Variants in LTN1 observed in about 807,000 individuals in gnomAD.
LTN1 encodes the protein E3 ubiquitin-protein ligase listerin.
A neutral mutation model predicts 201.2 loss-of-function variants in LTN1; 88 were observed. That is an observed-to-expected ratio of 0.44 (90% CI 0.37 to 0.52). The LOEUF (loss-of-function observed/expected upper bound fraction) is 0.52. LTN1 is among the 20% of genes least tolerant of loss of function. The probability of loss-of-function intolerance (pLI) is 0.00; values close to 1 mark genes in which losing one functional copy is unlikely to be tolerated. For synonymous variants in LTN1, 645 were observed against 713.5 expected (o/e 0.90, Z 1.53); for missense variants, 1,752 against 2,038.7 (o/e 0.86, Z 2.71).
chr21:28,984,676 T>C lies in LTN1; in HGVS notation c.576+16A>G. On this transcript the variant is annotated intron_variant, in intron 4 of 29. Transcript: ENST00000361371. ...TTAAAAAAAAAAAATAGATTCAGAA[T>C]GATTCCAGAACTTACACTTGTAATT... 11 of 1,571,648 alleles carry C rather than the reference T, an allele frequency of 7.0e-6. No homozygotes were observed. Among genetic ancestry groups the C allele is most frequent in the Non-Finnish European group, 9.6e-6 (11 of 1,148,956 alleles).
intron 21 of LTN1, among the ~76,000 whole-genome samples, chr21:28,945,176 G>A (rs1005620430): frequency 2.6e-5 from 4 of 151,972 alleles, no homozygotes; most frequent in African/African-American, 7.3e-5. Context: ...AGCCAAGATC[G>A]CACCATTGCA....
chr21:28,944,581 G>A lies in LTN1; in HGVS notation c.3784C>T (p.Gln1262Ter). 1.2e-6 allele frequency: 2 copies of A among 1,612,596 alleles called. No individual in the cohort carries two copies. The highest frequency in any genetic ancestry group is 2.2e-5 in the South Asian group (2 of 90,980). The change falls in exon 22 of 30, where the codon CAG becomes TAG. Residue 1262 changes from glutamine to a stop codon, truncating the protein, a stop_gained. Transcript: ENST00000361371. LOFTEE classifies it high-confidence loss of function. ...ACAAGTGGAATAGAATACAATGCCT[G>A]ATTCTCACTTGTTGTCTGAAAAAAC... ...LAWLETTSEN[Q>*]ALYSIPLVQL...
rs192361975 is a variant in LTN1 at position 28,955,215 on chromosome 21, C to T, written c.3079+1547G>A. ...TGGGAATGGTGGCACTGCTTGTAAT[C>T]GCAGCACTTTGGGAGGCTGAGGCAA... On this transcript the variant is annotated intron_variant, in intron 16 of 29. Transcript: ENST00000361371. Among the ~76,000 whole-genome samples the T allele has an allele frequency of 2.0e-5, 3 of 152,164 alleles. No homozygotes were observed. The East Asian group carries it at 5.8e-4, about 29-fold the overall frequency.
chr21:28,945,079 G>T (rs1329507413), intron 21 of LTN1, among the ~76,000 whole-genome samples: 1 of 152,062 alleles, frequency 6.6e-6, no homozygotes, highest in Non-Finnish European at 1.5e-5. Context: ...AAAATTAGTC[G>T]TGCATGCTGG....
chr21:28,961,680 T>A (rs530952958), intron 11 of LTN1: 2 of 152,340 alleles, frequency 1.3e-5, no homozygotes, highest in Non-Finnish European at 1.5e-5. Context: ...AATCTTTTAA[T>A]CAGCGTGGGC....
rs146107094 is a variant in LTN1 at position 28,972,422 on chromosome 21, A to T, written c.811-978T>A. 4.7e-3 allele frequency among the ~76,000 whole-genome samples: 712 copies of T among 150,874 alleles called. 3 individuals are homozygous for T. Among genetic ancestry groups the T allele is most frequent in the Non-Finnish European group, 7.4e-3 (505 of 67,816 alleles). The stretch of plus-strand genomic sequence containing the variant: ...AATTACATAAAATGTCCCTGACATA[A>T]AATGGCGTAATATAGTCGGCCCTCC... On this transcript the variant is annotated intron_variant, in intron 6 of 29. Coordinates refer to ENST00000361371, the MANE Select transcript of LTN1 (RefSeq NM_015565.3).
intron 6 of LTN1, among the ~76,000 whole-genome samples, chr21:28,974,147 C>T (rs571489673): frequency 4.6e-5 from 7 of 152,144 alleles, no homozygotes; most frequent in Admixed American, 1.3e-4. Context: ...AATAAGACAT[C>T]AAAAAGCACA....
chr21:28,928,926 T>C lies in LTN1; in HGVS notation c.*1522A>G, dbSNP rs2084189795. ...GGGATTACTATGTCAGAAAGAGACA[T>C]AGAAAGATAGAGAATATTTTAAGAA... On this transcript the variant is annotated 3_prime_UTR_variant, in exon 30 of 30. Coordinates refer to ENST00000361371, the MANE Select transcript of LTN1 (RefSeq NM_015565.3). 1 of 152,464 alleles carries C rather than the reference T, an allele frequency of 6.6e-6. No individual in the cohort carries two copies. The highest frequency in any genetic ancestry group is 6.6e-5 in the Admixed American group (1 of 15,266). The allele number at this position is 152,464 out of a possible 1,614,324, so 9.4% of individuals were successfully genotyped here.
Position 28,986,987 on chromosome 21 carries a change from T to C in LTN1, c.43-53A>G. The C allele has an allele frequency of 8.2e-7, 1 of 1,223,370 alleles. No homozygotes were observed. The highest frequency in any genetic ancestry group is 1.2e-6 in the Non-Finnish European group (1 of 832,590). 75.8% of individuals were successfully genotyped at this position (1,223,370 alleles called of 1,614,324 possible). A position where few individuals can be genotyped will look rare whatever the true frequency, so the allele number is the denominator to read the frequency against. On this transcript the variant is annotated intron_variant, in intron 1 of 29. Coordinates refer to ENST00000361371, the MANE Select transcript of LTN1 (RefSeq NM_015565.3). This position sits in a 1 kb window ranked among gnomAD's most constrained non-coding sequence, Gnocchi z 4.1. ...TCAGAGTCCAGGAAGGGTTCAAAACTTAACTTTATAATTCCTTGGCTATTC... is the reference window on the plus strand; with the variant it reads ...TCAGAGTCCAGGAAGGGTTCAAAACCTAACTTTATAATTCCTTGGCTATTC...
intron 5 of LTN1, 63 bp from the exon 6 acceptor site, chr21:28,981,362 G>T: frequency 2.2e-6 from 2 of 892,940 alleles, no homozygotes; most frequent in South Asian, 3.7e-5. Context: ...TATATCTGGT[G>T]GTTCTATTTA....
At chr21:28,954,891 G>A (rs2084411832) in intron 16 of LTN1, among the ~76,000 whole-genome samples, 2 of 152,104 alleles carry the variant, frequency 1.3e-5, no homozygotes, top group Admixed American at 6.6e-5. Flanking sequence ...TATTTTTATG[G>A]CTAAGACTTC....
rs968215196 is a variant in LTN1 at position 28,982,319 on chromosome 21, G to A, written c.626C>T (p.Pro209Leu). 6 of 1,611,766 alleles carry A rather than the reference G, an allele frequency of 3.7e-6. No homozygotes were observed. The highest frequency in any genetic ancestry group is 5.1e-6 in the Non-Finnish European group (6 of 1,178,074). Reference protein sequence around the residue: ...IKETPDTLSDPQTVPEEEREA... With the variant: ...IKETPDTLSDLQTVPEEEREA... The stretch of plus-strand genomic sequence containing the variant: ...ACAATGAAACAATACAACTTACTGC[G>A]GGTCACTGAGTGTATCAGGTGTTTC... Residue 209 changes from proline to leucine, a missense_variant, in exon 5 of 30, where the codon CCG becomes CTG. Coordinates refer to ENST00000361371, the MANE Select transcript of LTN1 (RefSeq NM_015565.3).
Position 28,978,683 on chromosome 21 carries a change from G to A in LTN1, c.810+2436C>T, listed in dbSNP as rs562243372. Among the ~76,000 whole-genome samples the A allele has an allele frequency of 1.3e-4, 20 of 152,144 alleles. No individual in the cohort carries two copies. The East Asian group carries it at 1.5e-3, about 12-fold the overall frequency. On this transcript the variant is annotated intron_variant, in intron 6 of 29. Transcript: ENST00000361371. ...GACACATGGGAGAGATGACAGAATG[G>A]GAGCTTTTTTGCATTGCCTAAAAAT...
rs1274793770 is a variant in LTN1 at position 28,934,060 on chromosome 21, T to A, written c.4875+1049A>T. Among the ~76,000 whole-genome samples the A allele has an allele frequency of 3.9e-5, 6 of 152,134 alleles. No homozygotes were observed. The East Asian group carries it at 1.2e-3, about 29-fold the overall frequency. On this transcript the variant is annotated intron_variant, in intron 27 of 29. Coordinates refer to ENST00000361371, the MANE Select transcript of LTN1 (RefSeq NM_015565.3). ...CTCCAAGTGATTTTCTTCCATAAAA[T>A]CTCACTTAATCCCCTCAGCCAGATG...
At chr21:28,931,596 C>T (rs927839885) in intron 28 of LTN1, among the ~76,000 whole-genome samples, 1 of 152,184 alleles carries the variant, frequency 6.6e-6, no homozygotes, top group African/African-American at 2.4e-5. Flanking sequence ...TGATAAAACT[C>T]TCTTAATAAT....
At chr21:28,949,958 C>T (rs2084369659) in intron 18 of LTN1, among the ~76,000 whole-genome samples, 1 of 152,274 alleles carries the variant, frequency 6.6e-6, no homozygotes, top group South Asian at 2.1e-4. Context: ...ACTGTATCCA[C>T]TGATTTGTCT....
chr21:28,945,400 A>G (rs1345731515), intron 21 of LTN1, among the ~76,000 whole-genome samples: 1 of 152,170 alleles, frequency 6.6e-6, no homozygotes, highest in Non-Finnish European at 1.5e-5. Flanking sequence ...TGGGTCAAAA[A>G]TTACACTAAT....
chr21:28,930,525 G>GAAC lies in LTN1; in HGVS notation c.5239-16_5239-15insGTT. 2 of 1,583,176 alleles carry GAAC rather than the reference G, an allele frequency of 1.3e-6. No homozygotes were observed. Among genetic ancestry groups the GAAC allele is most frequent in the Non-Finnish European group, 1.7e-6 (2 of 1,155,052 alleles). On this transcript the variant is annotated splice_polypyrimidine_tract_variant and intron_variant, in intron 29 of 29. Coordinates refer to ENST00000361371, the MANE Select transcript of LTN1 (RefSeq NM_015565.3). The stretch of plus-strand genomic sequence containing the variant: ...AACCATTTGTACTGAAAAAGAAAAG[G>GAAC]TTTTAAATACTAAAAGAACTTTTAA...
chr21:28,931,962 C>G lies in LTN1; in HGVS notation c.5070+508G>C, dbSNP rs374860441. Among the ~76,000 whole-genome samples, 289 of 152,160 alleles carry G rather than the reference C, an allele frequency of 1.9e-3. 5 individuals carry two copies. Among genetic ancestry groups the G allele is most frequent in the African/African-American group, 6.4e-3 (264 of 41,514 alleles). On this transcript the variant is annotated intron_variant, in intron 28 of 29. Transcript: ENST00000361371. ...AGGTTGCAGTGAGCTGAGATCATGC[C>G]ATTGCACTTCAGCCTGGGCAACAAG...
Sources: allele counts gnomAD v4.1 joint callset (sites outside exome capture counted in the v4.1 genomes callset), GRCh38; gene constraint gnomAD v4.1.1; non-coding constraint Gnocchi (gnomAD v3.1); transcripts MANE v1.5; gene names NCBI Gene and HGNC (gene_info 2026-07-23, HGNC 2026-07-21).